Variants in MSTO1 observed in about 807,000 individuals in gnomAD.
MSTO1 encodes protein misato homolog 1.
In MSTO1, 24 loss-of-function variants were observed where a neutral mutation model predicts 55.7. The ratio of observed to expected loss-of-function variants is 0.43; its 90% confidence interval spans 0.31 to 0.61. The LOEUF (loss-of-function observed/expected upper bound fraction) is 0.61, where lower values mean the gene tolerates loss of function less well. MSTO1 is among the 20% of genes least tolerant of loss of function. The pLI is 0.09. For synonymous variants in MSTO1, 162 were observed against 252.8 expected (o/e 0.64, Z 3.41); for missense variants, 363 against 625.7 (o/e 0.58, Z 4.48).
chr1:155,598,903 C>A, the MSTO1 span: 1 of 1,449,402 alleles, frequency 6.9e-7, no homozygotes, highest in Non-Finnish European at 9.7e-7. Context: ...GCTGATACTA[C>A]GTATTCCAGA....
chr1:155,613,620 T>C (rs1558271976), intron 12 of MSTO1, 37 bp from the exon 13 acceptor site: 3 of 1,581,340 alleles, frequency 1.9e-6, no homozygotes, highest in African/African-American at 1.3e-5. Flanking sequence ...CTCCCTTGAC[T>C]TCTTACGCAC....
chr1:155,566,961 C>T, the MSTO1 span, among the ~76,000 whole-genome samples: 3 of 152,266 alleles, frequency 2.0e-5, no homozygotes, highest in East Asian at 3.9e-4. Context: ...AGGCTGCAGA[C>T]TAGCTCCCAT....
In MSTO1 at chr1:155,614,158, G is replaced by C. The variant is rs758192342; in HGVS notation, c.1598G>C (p.Arg533Pro). The C allele has an allele frequency of 2.9e-6, 4 of 1,385,398 alleles. No homozygotes were observed. The highest frequency in any genetic ancestry group is 2.0e-5 in the Admixed American group (1 of 50,152). The allele number at this position is 1,385,398 out of a possible 1,614,324, so 85.8% of individuals were successfully genotyped here. ...LARDLTKLDL[R>P]RWASFMDAGV... ...AGAGACCTCACCAAACTCGACTTGCGGCGCTGGGCCAGCTTCATGGATGCT... is the reference window on the plus strand; with the variant it reads ...AGAGACCTCACCAAACTCGACTTGCCGCGCTGGGCCAGCTTCATGGATGCT... The change falls in exon 14 of 14, where the codon CGG becomes CCG. Residue 533 changes from arginine (R) to proline (P), a missense_variant. Transcript: ENST00000245564.
At chr1:155,609,243 A>ATATATATTTTTTTTT (rs59756178), upstream of MSTO1, among the ~76,000 whole-genome samples, 8 of 54,588 alleles carry the variant, frequency 1.5e-4, no homozygotes, top group Admixed American at 3.9e-4. Context: ...ATATATATAT[A>ATATATATTTTTTTTT]TTTTTTTTTT....
rs1488537572 is a variant in MSTO1, at chr1:155,611,768, C to T, written c.501C>T (p.Phe167=). 1.5e-6 allele frequency: 1 copy of T among 687,036 alleles called. No homozygotes were observed. Among genetic ancestry groups the T allele is most frequent in the African/African-American group, 2.1e-5 (1 of 47,310 alleles). 42.6% of individuals were successfully genotyped at this position (687,036 alleles called of 1,614,324 possible). A position where few individuals can be genotyped will look rare whatever the true frequency, so the allele number is the denominator to read the frequency against. ...TEASIRVWSD[F]LRVHLHPRSI... The stretch of plus-strand genomic sequence containing the variant: ...CCAGCATCAGGGTCTGGTCAGACTT[C>T]CTCAGAGTCCATCTCCATCCCCGGA... The change falls in exon 6 of 14, where the codon TTC becomes TTT. Residue 167 remains phenylalanine (F), a synonymous_variant. Transcript: ENST00000245564.
the MSTO1 span, among the ~76,000 whole-genome samples, chr1:155,600,837 C>T: frequency 2.6e-5 from 4 of 152,122 alleles, no homozygotes; most frequent in South Asian, 6.2e-4. Flanking sequence ...CCACCACGCC[C>T]GGCTAATTTT....
intron 8 of MSTO1, 43 bp downstream of exon 8, chr1:155,612,359 G>T (rs978670397): frequency 6.3e-7 from 1 of 1,580,618 alleles, no homozygotes; most frequent in Admixed American, 1.8e-5. Context: ...CAGTGGGGAG[G>T]GAGAAATCAG....
the MSTO1 span, chr1:155,601,994 T>C: frequency 1.7e-5 from 7 of 421,108 alleles, no homozygotes; most frequent in Non-Finnish European, 3.3e-5. Flanking sequence ...GACCTCGTGA[T>C]CCGCCCACCT....
At chr1:155,563,784 AATAAG>A in the MSTO1 span, 3 of 354,018 alleles carry the variant, frequency 8.5e-6, no homozygotes, top group African/African-American at 2.1e-5. Context: ...TGTGTGAAAT[AATAAG>A]ATAATATATG....
chr1:155,590,565 G>A, the MSTO1 span: 1 of 1,070,850 alleles, frequency 9.3e-7, no homozygotes, highest in Admixed American at 2.3e-5. Context: ...CTTCTGGATG[G>A]CTCTAGTGCC....
the MSTO1 span, chr1:155,602,172 T>A: frequency 1.4e-6 from 1 of 703,992 alleles, no homozygotes. Flanking sequence ...CTGAAGAATT[T>A]CAAAACTACA....
chr1:155,608,969 G>A (rs976375628), upstream of MSTO1, among the ~76,000 whole-genome samples: 5 of 150,346 alleles, frequency 3.3e-5, no homozygotes, highest in Non-Finnish European at 7.4e-5. Flanking sequence ...GAGTACAAGG[G>A]CCCGCCACCA....
At chr1:155,589,394 T>C in the MSTO1 span, among the ~76,000 whole-genome samples, 1,730 of 152,032 alleles carry the variant, frequency 0.011, 36 homozygotes, top group African/African-American at 0.04. Context: ...TTTTTTTTTA[T>C]TAGTTTGGTT....
At chr1:155,584,259 T>C in the MSTO1 span, among the ~76,000 whole-genome samples, 1 of 151,988 alleles carries the variant, frequency 6.6e-6, no homozygotes, top group South Asian at 2.1e-4. Flanking sequence ...CTTGGGAGGC[T>C]GAAGTGGGAG....
the MSTO1 span, among the ~76,000 whole-genome samples, chr1:155,586,204 CTTTTTT>C: frequency 2.4e-5 from 3 of 127,092 alleles, no homozygotes; most frequent in South Asian, 7.6e-4. Context: ...CTCTCTCTGT[CTTTTTT>C]TTTTTTTTTT....
chr1:155,576,254 G>A, the MSTO1 span, among the ~76,000 whole-genome samples: 2 of 152,238 alleles, frequency 1.3e-5, no homozygotes, highest in South Asian at 2.1e-4. Flanking sequence ...TTACTTGATG[G>A]TATCCTTTGA....
chr1:155,587,810 A>AG, the MSTO1 span, among the ~76,000 whole-genome samples: 1 of 151,736 alleles, frequency 6.6e-6, no homozygotes, highest in Non-Finnish European at 1.5e-5. Flanking sequence ...GATAATTAAT[A>AG]TTTTTCCATA....
At chr1:155,593,226 TG>T in the MSTO1 span, among the ~76,000 whole-genome samples, 2 of 152,176 alleles carry the variant, frequency 1.3e-5, no homozygotes, top group Non-Finnish European at 2.9e-5. Flanking sequence ...CTGTTCTTAG[TG>T]GATGCTTTAC....
chr1:155,591,968 A>C, the MSTO1 span, among the ~76,000 whole-genome samples: 7 of 152,154 alleles, frequency 4.6e-5, no homozygotes, highest in African/African-American at 1.7e-4. Context: ...CAAAAATTTC[A>C]TCACATTACT....
Sources: gnomAD v4.1 joint callset for allele counts (sites outside exome capture counted in the v4.1 genomes callset) on GRCh38, gnomAD v4.1.1 for gene constraint, MANE v1.5 for transcripts, NCBI Gene and HGNC (gene_info 2026-07-23, HGNC 2026-07-21) for gene names.